ERBIN: variants seen among roughly 807,000 people sequenced by gnomAD.
The protein encoded by ERBIN is erbb2 interacting protein.
Under a neutral mutation model 158.4 loss-of-function variants are expected in ERBIN, and 60 were observed. The ratio of observed to expected loss-of-function variants is 0.38; its 90% CI spans 0.31 to 0.47. ERBIN has a LOEUF of 0.47. Ranked by LOEUF, ERBIN falls within the 20% of genes least tolerant of loss-of-function variation. ERBIN has a pLI of 0.99. For synonymous variants in ERBIN, 594 were observed against 557.2 expected (o/e 1.07, Z -0.93); for missense variants, 1,610 against 1,648.0 (o/e 0.98, Z 0.40).
intron 1 of ERBIN, among the ~76,000 whole-genome samples, chr5:65,940,542 C>A (rs1744807964): frequency 7.1e-6 from 1 of 140,064 alleles, no homozygotes; most frequent in Non-Finnish European, 1.6e-5. Flanking sequence ...CCTGCCCGGC[C>A]AGCCGCCCCG....
intron 21 of ERBIN, chr5:66,055,270 A>T (rs1759476269): frequency 3.7e-6 from 1 of 272,802 alleles, no homozygotes; most frequent in Non-Finnish European, 6.1e-6. Context: ...GAACTTTGCT[A>T]TTAATAATTG....
At chr5:66,063,407 G>A (rs1160906873) in intron 21 of ERBIN, among the ~76,000 whole-genome samples, 1 of 152,208 alleles carries the variant, frequency 6.6e-6, no homozygotes, top group Admixed American at 6.5e-5. Context: ...TATTAGGGCA[G>A]GAGTGACCCG....
chr5:65,976,807 A>T (rs1246325276), intron 1 of ERBIN, among the ~76,000 whole-genome samples: 2 of 151,298 alleles, frequency 1.3e-5, no homozygotes, highest in African/African-American at 4.9e-5. Flanking sequence ...GATACAGCAC[A>T]TGTTTCAGAG....
chr5:65,934,721 A>C (rs749811022), intron 1 of ERBIN, among the ~76,000 whole-genome samples: 1 of 152,166 alleles, frequency 6.6e-6, no homozygotes, highest in Non-Finnish European at 1.5e-5. Context: ...GTTTGTAATT[A>C]ACTAATATTT....
chr5:65,936,748 A>G (rs1744129472), intron 1 of ERBIN, among the ~76,000 whole-genome samples: 1 of 152,234 alleles, frequency 6.6e-6, no homozygotes, highest in Admixed American at 6.5e-5. Flanking sequence ...TTATAAAAAT[A>G]ATCTTGCTGT....
intron 21 of ERBIN, among the ~76,000 whole-genome samples, chr5:66,065,855 G>A (rs1474115799): frequency 6.6e-6 from 1 of 152,080 alleles, no homozygotes; most frequent in East Asian, 1.9e-4. Context: ...GTTACTTCCT[G>A]AGCAGATATA....
intron 13 of ERBIN, among the ~76,000 whole-genome samples, chr5:66,027,110 A>C (rs1284606969): frequency 6.6e-6 from 1 of 151,948 alleles, no homozygotes; most frequent in African/African-American, 2.4e-5. Flanking sequence ...TTTTGCTTTC[A>C]TAGTGTCTTG....
chr5:66,040,654 G>A (rs1398053487), intron 15 of ERBIN, among the ~76,000 whole-genome samples: 2 of 151,830 alleles, frequency 1.3e-5, no homozygotes. Flanking sequence ...CTTTATCCCA[G>A]TGCCTCCAAG....
At chr5:66,054,998 T>C in intron 21 of ERBIN, 47 bp downstream of exon 21, 1 of 1,486,314 alleles carries the variant, frequency 6.7e-7, no homozygotes, top group South Asian at 1.4e-5. Context: ...AACTTAATTA[T>C]TTTCCTTAAA....
chr5:66,060,147 A>G (rs1218150388), intron 21 of ERBIN, among the ~76,000 whole-genome samples: 2 of 152,162 alleles, frequency 1.3e-5, no homozygotes, highest in Non-Finnish European at 2.9e-5. Context: ...GGTAGAATTC[A>G]GCTGTGAATC....
chr5:66,043,997 C>G lies in ERBIN; in HGVS notation c.1429-140C>G, dbSNP rs529465286. The G allele has an allele frequency of 3.9e-5, 19 of 485,802 alleles. No individual in the cohort carries two copies. In the South Asian group the frequency reaches 1.4e-3, roughly 36 times the overall value. 30.1% of individuals were successfully genotyped at this position (485,802 alleles called of 1,614,324 possible). ...ATTTTTATCAAGCCTAAAATGCCTT[C>G]AAAGCCTATCATCTGTCTTCACAGT... On this transcript the variant is annotated intron_variant, in intron 16 of 25. Transcript: ENST00000284037.
At chr5:65,976,560 G>C (rs1301844036) in intron 1 of ERBIN, among the ~76,000 whole-genome samples, 1 of 145,466 alleles carries the variant, frequency 6.9e-6, no homozygotes, top group African/African-American at 2.6e-5. Context: ...GGTGTTTCTC[G>C]CAGAGGGGGA....
At chr5:66,051,857 T>C (rs1759051617) in intron 20 of ERBIN, among the ~76,000 whole-genome samples, 2 of 148,078 alleles carry the variant, frequency 1.4e-5, no homozygotes, top group East Asian at 2.0e-4. Flanking sequence ...ATCACCCCAC[T>C]GCATTCCAGC....
At chr5:66,036,876 A>C (rs10052942) in intron 14 of ERBIN, among the ~76,000 whole-genome samples, 1 of 152,334 alleles carries the variant, frequency 6.6e-6, no homozygotes, top group African/African-American at 2.4e-5. Flanking sequence ...GAGAGGCCAG[A>C]TATACTGTTC....
At chr5:66,053,336 T>G in intron 20 of ERBIN, 70 bp from the exon 21 acceptor site, 1 of 918,296 alleles carries the variant, frequency 1.1e-6, no homozygotes, top group Non-Finnish European at 1.6e-6. Flanking sequence ...CACAATTTAT[T>G]TATTAATGTT....
chr5:66,051,082 T>C (rs1465278573), intron 20 of ERBIN, 116 bp downstream of exon 20: 3 of 607,334 alleles, frequency 4.9e-6, no homozygotes, highest in South Asian at 2.7e-5. Flanking sequence ...GTTCCAGTAA[T>C]ATGTTTTATT....
intron 2 of ERBIN, among the ~76,000 whole-genome samples, chr5:65,991,123 TATC>T: frequency 6.6e-6 from 1 of 152,312 alleles, no homozygotes; most frequent in African/African-American, 2.4e-5. Flanking sequence ...ACTTTTAAAA[TATC>T]ATATAATATG....
intron 4 of ERBIN, among the ~76,000 whole-genome samples, chr5:66,001,990 G>A (rs1049346701): frequency 2.0e-5 from 3 of 151,984 alleles, no homozygotes; most frequent in African/African-American, 7.3e-5. Flanking sequence ...TCAGGCCCCA[G>A]TGTGTGATGT....
At chr5:66,018,511 TATTATATAATATATATTATATTATATAA>T (rs1755161710) in intron 7 of ERBIN, among the ~76,000 whole-genome samples, 1 of 15,544 alleles carries the variant, frequency 6.4e-5, no homozygotes, top group African/African-American at 2.1e-4. Context: ...ATATATTATA[TATTATATAATATATATTATATTATATAA>T]TATATATTAT....
Sources: gnomAD v4.1 joint callset for allele counts (sites outside exome capture counted in the v4.1 genomes callset) on GRCh38, gnomAD v4.1.1 for gene constraint, MANE v1.5 for transcripts, NCBI Gene and HGNC (gene_info 2026-07-23, HGNC 2026-07-21) for gene names.